The following F13A1 variants were observed in gnomAD, a reference collection of about 807,000 sequenced individuals.
F13A1 encodes FSF, A subunit.
A neutral mutation model predicts 80.1 loss-of-function variants in F13A1; 47 were observed. The observed-to-expected ratio is 0.59, with a 90% confidence interval of 0.46 to 0.75. The LOEUF (loss-of-function observed/expected upper bound fraction) is 0.75. F13A1 is among the 30% of genes least tolerant of loss of function. The probability of loss-of-function intolerance (pLI) is 0.00; values close to 1 mark genes in which losing one functional copy is unlikely to be tolerated. For missense variants in F13A1, 817 were observed against 930.4 expected (o/e 0.88, Z 1.59); for synonymous variants, 349 against 344.9 (o/e 1.01, Z -0.13).
At chr6:6,153,008 AGTT>A (rs756521336) in intron 13 of F13A1, among the ~76,000 whole-genome samples, 2 of 152,252 alleles carry the variant, frequency 1.3e-5, no homozygotes, top group Non-Finnish European at 1.5e-5. Context: ...AATGCATTAC[AGTT>A]GATGCTTTTT....
At chr6:6,254,361 G>A (rs116489501) in intron 4 of F13A1, among the ~76,000 whole-genome samples, 1,545 of 152,162 alleles carry the variant, frequency 0.01, 33 homozygotes, top group African/African-American at 0.036. Flanking sequence ...ATGGCATAAC[G>A]TGCTATAGTA....
At chr6:6,246,577 A>C (rs1261184915) in intron 6 of F13A1, among the ~76,000 whole-genome samples, 1 of 152,202 alleles carries the variant, frequency 6.6e-6, no homozygotes, top group African/African-American at 2.4e-5. Context: ...TTGGGATATA[A>C]ATTTTCAAAC....
chr6:6,285,006 A>T (rs576148089), intron 3 of F13A1, among the ~76,000 whole-genome samples: 4 of 152,348 alleles, frequency 2.6e-5, no homozygotes, highest in African/African-American at 7.2e-5. Flanking sequence ...CTCCAACTAC[A>T]GTAAGCTCTT....
Position 6,261,433 on chromosome 6 carries a change from G to A in F13A1, c.571+5125C>T, listed in dbSNP as rs148427195. Reference sequence around the variant, plus strand: ...GGGCCATGCCCAGCTTTATTGTTTCGTGATTATTATGAAACCAGTGGTCCG... The same window carrying A: ...GGGCCATGCCCAGCTTTATTGTTTCATGATTATTATGAAACCAGTGGTCCG... On this transcript the variant is annotated intron_variant, in intron 4 of 14. Transcript: ENST00000264870. 1.6e-4 allele frequency among the ~76,000 whole-genome samples: 24 copies of A among 152,338 alleles called. No homozygotes were observed. In the East Asian group the frequency reaches 4.0e-3, roughly 26 times the overall value.
At chr6:6,194,677 T>C (rs1013864997) in intron 10 of F13A1, among the ~76,000 whole-genome samples, 25 of 152,232 alleles carry the variant, frequency 1.6e-4, no homozygotes, top group Non-Finnish European at 3.7e-4. Context: ...TGTTATTTCA[T>C]GTTCAGTGTG....
intron 4 of F13A1, among the ~76,000 whole-genome samples, chr6:6,251,190 A>G (rs1385538471): frequency 6.6e-6 from 1 of 152,246 alleles, no homozygotes; most frequent in East Asian, 1.9e-4. Flanking sequence ...TCCAAGCAGC[A>G]GAATTAAATT....
At chr6:6,224,648 C>G (rs749377911) in intron 7 of F13A1, 38 bp downstream of exon 7, 31 of 1,594,100 alleles carry the variant, frequency 1.9e-5, no homozygotes, top group Non-Finnish European at 2.6e-5. Flanking sequence ...GTGAAGTTTC[C>G]TTTATATTAA....
rs571634642 is a variant in F13A1 at position 6,280,368 on chromosome 6, G to A, written c.320-13559C>T. Among the ~76,000 whole-genome samples the A allele has an allele frequency of 3.9e-5, 6 of 152,294 alleles. No individual in the cohort carries two copies. In the South Asian group the frequency reaches 1.2e-3, roughly 32 times the overall value. On this transcript the variant is annotated intron_variant, in intron 3 of 14. Coordinates refer to ENST00000264870, the MANE Select transcript of F13A1 (RefSeq NM_000129.4). ...GCAAGAGTAGTAGACCGTGGGGGAAGTCAACGACTTTATTAACTACATGAC... is the reference window on the plus strand; with the variant it reads ...GCAAGAGTAGTAGACCGTGGGGGAAATCAACGACTTTATTAACTACATGAC...
intron 10 of F13A1, among the ~76,000 whole-genome samples, chr6:6,194,662 AT>A (rs2151081802): frequency 6.6e-6 from 1 of 152,246 alleles, no homozygotes; most frequent in African/African-American, 2.4e-5. Flanking sequence ...CCTGACAAGT[AT>A]TGTTGTTATT....
At chr6:6,215,480 AC>A (rs1180966457) in intron 8 of F13A1, among the ~76,000 whole-genome samples, 1 of 114,600 alleles carries the variant, frequency 8.7e-6, no homozygotes, top group Non-Finnish European at 1.8e-5. Flanking sequence ...AAATTCAACA[AC>A]CCTTCATGCT....
intron 3 of F13A1, among the ~76,000 whole-genome samples, chr6:6,285,072 C>T (rs1242729743): frequency 6.6e-6 from 1 of 151,778 alleles, no homozygotes; most frequent in East Asian, 1.9e-4. Context: ...GGTGAAATCC[C>T]GTTTCTACTA....
chr6:6,311,698 A>T (rs111843360), intron 2 of F13A1, among the ~76,000 whole-genome samples: 1 of 145,050 alleles, frequency 6.9e-6, no homozygotes. Flanking sequence ...TATATTATAT[A>T]ATGGATATAA....
At chr6:6,192,659 C>A (rs1761221362) in intron 10 of F13A1, among the ~76,000 whole-genome samples, 1 of 152,154 alleles carries the variant, frequency 6.6e-6, no homozygotes, top group Non-Finnish European at 1.5e-5. Flanking sequence ...AAAACATCTC[C>A]ACACGTTGTA....
chr6:6,258,383 G>A (rs1757730946), intron 4 of F13A1, among the ~76,000 whole-genome samples: 1 of 152,172 alleles, frequency 6.6e-6, no homozygotes, highest in African/African-American at 2.4e-5. Context: ...AAGGCTGAAT[G>A]AGATAAGGAT....
chr6:6,179,224 G>A (rs1020952357), intron 11 of F13A1, among the ~76,000 whole-genome samples: 3 of 152,126 alleles, frequency 2.0e-5, no homozygotes, highest in Non-Finnish European at 4.4e-5. Context: ...TATCAAAGAA[G>A]ATATATTGCC....
rs5874027 is a variant in F13A1, at chr6:6,313,280, C to CTTTTTTTTTTTTTTT, written c.130+5240_130+5254dup. Among the ~76,000 whole-genome samples the CTTTTTTTTTTTTTTT allele has an allele frequency of 4.5e-3, 571 of 126,638 alleles. 6 individuals are homozygous for CTTTTTTTTTTTTTTT. Among genetic ancestry groups the CTTTTTTTTTTTTTTT allele is most frequent in the East Asian group, 0.01 (43 of 4,298 alleles). The allele number at this position is 126,638 out of a possible 152,430, so 83.1% of individuals were successfully genotyped here. ...ATGGAACAGCTCATTGCTAAGCCGC[C>CTTTTTTTTTTTTTTT]TTTTTTTTTTTTTTTTTTTTAAATA... On this transcript the variant is annotated intron_variant, in intron 2 of 14. Coordinates refer to ENST00000264870, the MANE Select transcript of F13A1 (RefSeq NM_000129.4).
chr6:6,314,107 G>A (rs565272834), intron 2 of F13A1, among the ~76,000 whole-genome samples: 130 of 150,974 alleles, frequency 8.6e-4, no homozygotes, highest in South Asian at 1.3e-3. Flanking sequence ...TCAGCCTCCC[G>A]AGTAGCTGGG....
intron 10 of F13A1, among the ~76,000 whole-genome samples, chr6:6,193,471 C>T (rs1761237264): frequency 6.6e-6 from 1 of 152,154 alleles, no homozygotes; most frequent in African/African-American, 2.4e-5. Flanking sequence ...CCACTGCAGG[C>T]ACCCTTGAGA....
At chr6:6,173,221 C>T (rs925012252) in intron 12 of F13A1, among the ~76,000 whole-genome samples, 1 of 152,038 alleles carries the variant, frequency 6.6e-6, no homozygotes, top group Non-Finnish European at 1.5e-5. Context: ...TTGTAATCCC[C>T]AAGGCAAGCT....
Sources: gnomAD v4.1 joint callset for allele counts (sites outside exome capture counted in the v4.1 genomes callset) on GRCh38, gnomAD v4.1.1 for gene constraint, MANE v1.5 for transcripts, NCBI Gene and HGNC (gene_info 2026-07-23, HGNC 2026-07-21) for gene names.